MRTFB: variants seen among roughly 807,000 people sequenced by gnomAD.
MRTFB encodes the protein myocardin-related transcription factor B.
MRTFB carries 29 observed loss-of-function variants against 104.2 expected under a neutral mutation model. The observed-to-expected ratio is 0.28, with a 90% confidence interval of 0.21 to 0.38. The LOEUF (loss-of-function observed/expected upper bound fraction) is 0.38, where lower values mean the gene tolerates loss of function less well. MRTFB is among the 10% of genes least tolerant of loss of function. MRTFB has a pLI of 1.00. For synonymous variants in MRTFB, 535 were observed against 519.5 expected (o/e 1.03, Z -0.41); for missense variants, 1,270 against 1,341.6 (o/e 0.95, Z 0.83).
At chr16:14,228,791 C>T (rs73518918) in intron 8 of MRTFB, among the ~76,000 whole-genome samples, 3,536 of 46,266 alleles carry the variant, frequency 0.076, 149 homozygotes, top group African/African-American at 0.13. Context: ...AACTCTAGCT[C>T]ATGTTCAATG....
intron 3 of MRTFB, chr16:14,143,743 A>G (rs2142645326): frequency 6.6e-6 from 1 of 152,142 alleles, no homozygotes; most frequent in South Asian, 2.1e-4. Context: ...TTGTATACTC[A>G]TAATCTCTAT....
chr16:14,027,009 T>C, the MRTFB span, among the ~76,000 whole-genome samples: 36 of 152,186 alleles, frequency 2.4e-4, no homozygotes, highest in Non-Finnish European at 3.8e-4. Context: ...TCTTACACAG[T>C]TAAACATGCA....
chr16:14,057,643 T>C, the MRTFB span, among the ~76,000 whole-genome samples: 2 of 152,214 alleles, frequency 1.3e-5, no homozygotes, highest in African/African-American at 4.8e-5. Flanking sequence ...TGTAATACTT[T>C]GGGTGTGGAG....
chr16:14,200,275 A>C, intron 3 of MRTFB: 1 of 1,537,868 alleles, frequency 6.5e-7, no homozygotes, highest in Admixed American at 1.7e-5. Flanking sequence ...TTTAAGAAAG[A>C]GCTAGATTCT....
At position 14,266,145 on chromosome 16, in the gene MRTFB, A is replaced by G. The variant is rs1159212556; in HGVS notation, c.*4701A>G. ...CACTTTTTATTTAAAATTTGAGACT[A>G]ATGAGATCTCAAAAATCAGCCCCAA... On this transcript the variant is annotated 3_prime_UTR_variant, in exon 17 of 17. Transcript: ENST00000571589. 2 of 152,224 alleles carry G rather than the reference A, an allele frequency of 1.3e-5. No individual in the cohort carries two copies. Among genetic ancestry groups the G allele is most frequent in the Non-Finnish European group, 2.9e-5 (2 of 68,030 alleles). 9.4% of individuals were successfully genotyped at this position (152,224 alleles called of 1,614,324 possible).
chr16:14,186,014 A>G (rs1180694892), intron 3 of MRTFB, among the ~76,000 whole-genome samples: 1 of 152,204 alleles, frequency 6.6e-6, no homozygotes, highest in Non-Finnish European at 1.5e-5. Flanking sequence ...CTGTTATGAA[A>G]TAGAAGCTGT....
chr16:14,214,510 A>T (rs2041331916), intron 6 of MRTFB, among the ~76,000 whole-genome samples: 1 of 152,214 alleles, frequency 6.6e-6, no homozygotes, highest in African/African-American at 2.4e-5. Context: ...GTAATATCTT[A>T]AAGGTCTGAC....
At chr16:14,041,630 A>G in the MRTFB span, among the ~76,000 whole-genome samples, 5,699 of 152,232 alleles carry the variant, frequency 0.037, 374 homozygotes, top group African/African-American at 0.13. Flanking sequence ...ACATGAGTAT[A>G]TAAATTTTAG....
chr16:14,217,383 G>C (rs1441600235), intron 7 of MRTFB, 96 bp downstream of exon 7: 1 of 1,034,560 alleles, frequency 9.7e-7, no homozygotes, highest in African/African-American at 1.6e-5. Flanking sequence ...CCGATCGTGA[G>C]TATTGTTTTC....
chr16:14,237,468 AAC>A (rs2042572020), intron 9 of MRTFB, among the ~76,000 whole-genome samples: 1 of 152,250 alleles, frequency 6.6e-6, no homozygotes, highest in South Asian at 2.1e-4. Context: ...CCTTGACAAG[AAC>A]AGTTTCTGAA....
At chr16:14,147,357 A>G (rs1567383486) in intron 3 of MRTFB, among the ~76,000 whole-genome samples, 1 of 152,156 alleles carries the variant, frequency 6.6e-6, no homozygotes, top group African/African-American at 2.4e-5. Flanking sequence ...AATCTCTTGA[A>G]CCCTTCAAAA....
At chr16:14,166,666 C>G (rs1025547154) in intron 3 of MRTFB, among the ~76,000 whole-genome samples, 14 of 151,288 alleles carry the variant, frequency 9.3e-5, no homozygotes, top group African/African-American at 3.4e-4. Context: ...GCCCACCGCA[C>G]CCACCCCCGA....
In MRTFB at chr16:14,122,526, C is replaced by T. The variant is rs184107062; in HGVS notation, c.-63-18018C>T. On this transcript the variant is annotated intron_variant, in intron 2 of 16. Coordinates refer to ENST00000571589, the MANE Select transcript of MRTFB (RefSeq NM_001308142.2). Reference sequence around the variant, plus strand: ...TTCAGCTCCCACTTATGAGTGAGAACATGCGGTGTTTGGTTTTCTGTTCTT... The same window carrying T: ...TTCAGCTCCCACTTATGAGTGAGAATATGCGGTGTTTGGTTTTCTGTTCTT... 1.1e-4 allele frequency among the ~76,000 whole-genome samples: 17 copies of T among 152,202 alleles called. 1 individual carries two copies. In the East Asian group the frequency reaches 3.1e-3, roughly 28 times the overall value.
In MRTFB at chr16:14,265,874, A is replaced by G. The variant is rs1215465062; in HGVS notation, c.*4430A>G. 1 of 152,230 alleles carries G rather than the reference A, an allele frequency of 6.6e-6. No individual in the cohort carries two copies. Among genetic ancestry groups the G allele is most frequent in the Admixed American group, 6.5e-5 (1 of 15,288 alleles). The allele number at this position is 152,230 out of a possible 1,614,324, so 9.4% of individuals were successfully genotyped here. A position where few individuals can be genotyped will look rare whatever the true frequency, so the allele number is the denominator to read the frequency against. On this transcript the variant is annotated 3_prime_UTR_variant, in exon 17 of 17. Transcript: ENST00000571589. Reference sequence around the variant, plus strand: ...TTATCAGAGATATCATCACATCTATAGTGTTTAACAGAGCTTTATGCCAAC... The same window carrying G: ...TTATCAGAGATATCATCACATCTATGGTGTTTAACAGAGCTTTATGCCAAC...
the MRTFB span, among the ~76,000 whole-genome samples, chr16:14,055,545 G>A: frequency 6.6e-6 from 1 of 152,028 alleles, no homozygotes; most frequent in East Asian, 1.9e-4. Context: ...TGTCTTTTAT[G>A]ACTTTGACAC....
intron 3 of MRTFB, among the ~76,000 whole-genome samples, chr16:14,166,213 TTTTC>T (rs941227896): frequency 9.4e-5 from 13 of 137,934 alleles, no homozygotes; most frequent in African/African-American, 3.2e-4. Context: ...GTGGGTTTTC[TTTTC>T]TTTTTTTTTT....
intron 11 of MRTFB, among the ~76,000 whole-genome samples, chr16:14,246,112 C>T (rs1426441062): frequency 2.0e-5 from 3 of 152,154 alleles, no homozygotes; most frequent in Admixed American, 6.5e-5. Flanking sequence ...GATACGGACA[C>T]CTCATGGGGT....
intron 15 of MRTFB, 132 bp downstream of exon 15, chr16:14,252,634 T>A: frequency 7.3e-6 from 8 of 1,100,184 alleles, no homozygotes; most frequent in Non-Finnish European, 9.9e-6. Flanking sequence ...AACCTTGTAT[T>A]TTACATGGTT....
intron 3 of MRTFB, among the ~76,000 whole-genome samples, chr16:14,190,073 G>A (rs946374548): frequency 6.6e-6 from 1 of 152,098 alleles, no homozygotes; most frequent in East Asian, 1.9e-4. Context: ...AGAATTGTGT[G>A]GATAATAAAG....
Sources: gnomAD v4.1 joint callset for allele counts (sites outside exome capture counted in the v4.1 genomes callset) on GRCh38, gnomAD v4.1.1 for gene constraint, MANE v1.5 for transcripts, NCBI Gene and HGNC (gene_info 2026-07-23, HGNC 2026-07-21) for gene names.